The following ODR4 variants were observed in gnomAD, a reference collection of about 807,000 sequenced individuals.
ODR4 encodes protein odr-4 homolog.
In ODR4, 47 loss-of-function variants were observed where a neutral mutation model predicts 60.2. The ratio of observed to expected loss-of-function variants is 0.78; its 90% CI spans 0.62 to 1.00. The LOEUF (loss-of-function observed/expected upper bound fraction) is 1.00. ODR4 is among the 50% of genes least tolerant of loss of function. The pLI is 0.00. For missense variants in ODR4, 488 were observed against 530.8 expected, an observed-to-expected ratio of 0.92 and a Z score of 0.79; for synonymous variants, 178 against 175.5, an observed-to-expected ratio of 1.01 and a Z score of -0.11.
At chr1:186,406,710 A>G (rs1425167551) in intron 12 of ODR4, among the ~76,000 whole-genome samples, 1 of 151,680 alleles carries the variant, frequency 6.6e-6, no homozygotes, top group African/African-American at 2.4e-5. Context: ...TATACCTTTC[A>G]TGTAATTGGG....
chr1:186,393,442 G>A (rs984108436), intron 8 of ODR4, among the ~76,000 whole-genome samples: 1 of 152,150 alleles, frequency 6.6e-6, no homozygotes, highest in Non-Finnish European at 1.5e-5. Context: ...AAAAGCTATG[G>A]CCATTTTATA....
intron 4 of ODR4, among the ~76,000 whole-genome samples, chr1:186,386,361 C>G (rs1041893272): frequency 2.0e-5 from 3 of 151,878 alleles, no homozygotes; most frequent in Admixed American, 1.3e-4. Flanking sequence ...TATCATCAGC[C>G]CATATGGCAT....
At chr1:186,385,647 A>C (rs1312103345) in intron 3 of ODR4, among the ~76,000 whole-genome samples, 1 of 152,266 alleles carries the variant, frequency 6.6e-6, no homozygotes, top group African/African-American at 2.4e-5. Context: ...CTTTTCAAGT[A>C]GTTTTTGACA....
In ODR4 at chr1:186,391,872, A is replaced by G. The variant is rs1660481668; in HGVS notation, c.711+81A>G. Reference sequence around the variant, plus strand: ...CATGACTTATTTTTAGTCCTTGCCTACAAGAAAACTGATTTCATCTACCTC... The same window carrying G: ...CATGACTTATTTTTAGTCCTTGCCTGCAAGAAAACTGATTTCATCTACCTC... On this transcript the variant is annotated intron_variant, in intron 8 of 13. Coordinates refer to ENST00000287859, the MANE Select transcript of ODR4 (RefSeq NM_017847.6). 1.1e-5 allele frequency: 9 copies of G among 808,402 alleles called. No homozygotes were observed. In the Admixed American group the frequency reaches 1.3e-4, roughly 12 times the overall value. The allele number at this position is 808,402 out of a possible 1,614,324, so 50.1% of individuals were successfully genotyped here.
chr1:186,379,218 G>A (rs1016222617), intron 1 of ODR4, among the ~76,000 whole-genome samples: 6 of 151,956 alleles, frequency 3.9e-5, no homozygotes, highest in East Asian at 1.9e-4. Context: ...CGAGGCGGGC[G>A]GATCACCTGA....
In ODR4 at chr1:186,419,432, G is replaced by A. The variant is rs773588080; in HGVS notation, c.*356G>A. 111 of 237,568 alleles carry A rather than the reference G, an allele frequency of 4.7e-4. No homozygotes were observed. Among genetic ancestry groups the A allele is most frequent in the Non-Finnish European group, 3.1e-4 (37 of 119,776 alleles). 14.7% of individuals were successfully genotyped at this position (237,568 alleles called of 1,614,324 possible). ...CAGGACATTAAAAACTTTAACAGAGGCATGATGGCTCACACGTATAATCCT... is the reference window on the plus strand; with the variant it reads ...CAGGACATTAAAAACTTTAACAGAGACATGATGGCTCACACGTATAATCCT... On this transcript the variant is annotated 3_prime_UTR_variant, in exon 14 of 14. Coordinates refer to ENST00000287859, the MANE Select transcript of ODR4 (RefSeq NM_017847.6).
In ODR4 at chr1:186,379,895, T is replaced by A. The variant is rs758799674; in HGVS notation, c.99+11T>A. 7.0e-7 allele frequency: 1 copy of A among 1,428,340 alleles called. No individual in the cohort carries two copies. Among genetic ancestry groups the A allele is most frequent in the African/African-American group, 1.5e-5 (1 of 68,626 alleles). The allele number at this position is 1,428,340 out of a possible 1,614,324, so 88.5% of individuals were successfully genotyped here. A position where few individuals can be genotyped will look rare whatever the true frequency, so the allele number is the denominator to read the frequency against. ...CTTTTAATAGGACAGGTATGTATCT[T>A]TTACTCTGCATTTATAACTAAATAA... On this transcript the variant is annotated intron_variant, in intron 2 of 13. Coordinates refer to ENST00000287859, the MANE Select transcript of ODR4 (RefSeq NM_017847.6).
At chr1:186,411,055 T>C (rs1470492581) in intron 12 of ODR4, among the ~76,000 whole-genome samples, 1 of 152,114 alleles carries the variant, frequency 6.6e-6, no homozygotes, top group African/African-American at 2.4e-5. Flanking sequence ...TCCCTTTTTT[T>C]ATTCTTTATT....
intron 12 of ODR4, among the ~76,000 whole-genome samples, chr1:186,408,817 T>C (rs1242661879): frequency 6.6e-6 from 1 of 151,894 alleles, no homozygotes; most frequent in Non-Finnish European, 1.5e-5. Flanking sequence ...CATTCACAAG[T>C]TACTTTAAAA....
intron 12 of ODR4, among the ~76,000 whole-genome samples, chr1:186,416,845 G>A (rs1661589188): frequency 1.8e-5 from 2 of 108,834 alleles, no homozygotes; most frequent in African/African-American, 3.3e-5. Flanking sequence ...GACAGAGTAG[G>A]ATTCTGTCTC....
intron 8 of ODR4, among the ~76,000 whole-genome samples, chr1:186,392,271 A>G (rs1279658848): frequency 6.6e-6 from 1 of 152,200 alleles, no homozygotes; most frequent in South Asian, 2.1e-4. Flanking sequence ...TGACCCAGCA[A>G]TCCTATTACT....
intron 4 of ODR4, 93 bp downstream of exon 4, chr1:186,386,176 A>G (rs1660242821): frequency 3.1e-6 from 2 of 652,386 alleles, no homozygotes; most frequent in African/African-American, 1.9e-5. Flanking sequence ...GCATATTTAC[A>G]TTTGTTTTCC....
chr1:186,398,560 C>T (rs2102054369), intron 10 of ODR4, 119 bp downstream of exon 10: 1 of 990,118 alleles, frequency 1.0e-6, no homozygotes, highest in Non-Finnish European at 1.4e-6. Flanking sequence ...TGATAATGGC[C>T]TATTGTGCAG....
At chr1:186,435,021 T>A in the ODR4 span, 1 of 152,194 alleles carries the variant, frequency 6.6e-6, no homozygotes, top group South Asian at 2.1e-4. Context: ...CCTTATTTTA[T>A]GAAAAACTAA....
At chr1:186,394,230 A>G (rs558015103) in intron 9 of ODR4, among the ~76,000 whole-genome samples, 1 of 152,120 alleles carries the variant, frequency 6.6e-6, no homozygotes, top group African/African-American at 2.4e-5. Context: ...TTTAACATCA[A>G]TAGATAGCAG....
At chr1:186,378,755 A>G (rs1234381716) in intron 1 of ODR4, among the ~76,000 whole-genome samples, 1 of 152,238 alleles carries the variant, frequency 6.6e-6, no homozygotes, top group Non-Finnish European at 1.5e-5. Context: ...CAGTTTCTTC[A>G]TCTATAAAAT....
At chr1:186,388,605 C>A in intron 5 of ODR4, 57 bp downstream of exon 5, 1 of 1,009,044 alleles carries the variant, frequency 9.9e-7, no homozygotes, top group Non-Finnish European at 1.4e-6. Flanking sequence ...AATATTCTTG[C>A]AAGGTTTTTT....
chr1:186,378,129 C>T (rs117987933), intron 1 of ODR4, among the ~76,000 whole-genome samples: 6 of 151,980 alleles, frequency 3.9e-5, no homozygotes, highest in African/African-American at 9.6e-5. Flanking sequence ...AATAAGGAAA[C>T]AGCCTCCAGT....
At chr1:186,380,091 C>T (rs1365937853) in intron 2 of ODR4, among the ~76,000 whole-genome samples, 2 of 152,162 alleles carry the variant, frequency 1.3e-5, no homozygotes, top group Non-Finnish European at 2.9e-5. Flanking sequence ...TTTTGCTCGT[C>T]AGGACACCTT....
Sources: allele counts gnomAD v4.1 joint callset (sites outside exome capture counted in the v4.1 genomes callset), GRCh38; gene constraint gnomAD v4.1.1; transcripts MANE v1.5; gene names NCBI Gene and HGNC (gene_info 2026-07-23, HGNC 2026-07-21).